RAP1GAP: variants seen among roughly 807,000 people sequenced by gnomAD.
The protein encoded by RAP1GAP is rap1 GTPase-activating protein 1.
A neutral mutation model predicts 87.2 loss-of-function variants in RAP1GAP; 35 were observed. The ratio of observed to expected loss-of-function variants is 0.40; its 90% CI spans 0.31 to 0.53. The LOEUF (loss-of-function observed/expected upper bound fraction) is 0.53, where lower values mean the gene tolerates loss of function less well. Ranked by LOEUF, RAP1GAP falls within the 20% of genes least tolerant of loss-of-function variation. The probability of loss-of-function intolerance (pLI) is 0.48; values close to 1 mark genes in which losing one functional copy is unlikely to be tolerated. For missense variants in RAP1GAP, 734 were observed against 898.9 expected, an observed-to-expected ratio of 0.82 and a Z score of 2.35; for synonymous variants, 375 against 363.9, an observed-to-expected ratio of 1.03 and a Z score of -0.35.
chr1:21,615,151 G>T lies in RAP1GAP; in HGVS notation c.292-1062C>A, dbSNP rs1256283. ...GCAGGGAAGTCCAGAGAGTGGGGAG[G>T]TTCCTTGGACACCCCCAAGCCCAGA... On this transcript the variant is annotated intron_variant, in intron 7 of 24. Transcript: ENST00000374765. The surrounding 1 kb of genome is among the most constrained non-coding windows in gnomAD (Gnocchi z 4.5). 0.89 allele frequency among the ~76,000 whole-genome samples: 135,633 copies of T among 151,840 alleles called. 60,617 individuals are homozygous for T. Among genetic ancestry groups the T allele is most frequent in the East Asian group, 0.97 (4,994 of 5,132 alleles).
intron 1 of RAP1GAP, chr1:21,651,313 G>A: frequency 4.7e-6 from 2 of 427,088 alleles, no homozygotes; most frequent in South Asian, 1.7e-5. Context: ...GCGTCACTGA[G>A]GGGCCCAACA....
intron 18 of RAP1GAP, among the ~76,000 whole-genome samples, chr1:21,604,073 T>C (rs551154852): frequency 5.8e-4 from 86 of 148,580 alleles, no homozygotes; most frequent in African/African-American, 1.8e-3. Context: ...ATGGGAGAGA[T>C]AGGGCCGGGG....
At chr1:21,655,151 AAAG>A (rs1359261896) in intron 1 of RAP1GAP, among the ~76,000 whole-genome samples, 10 of 152,286 alleles carry the variant, frequency 6.6e-5, no homozygotes, top group East Asian at 1.9e-4. Flanking sequence ...AAAAAAAAAA[AAAG>A]AAGAAAAGAA....
At chr1:21,614,118 T>G in intron 7 of RAP1GAP, 29 bp from the exon 8 acceptor site, 1 of 1,473,284 alleles carries the variant, frequency 6.8e-7, no homozygotes, top group Non-Finnish European at 9.4e-7. Flanking sequence ...GCCAGGGGAG[T>G]GGGTGAGGCT....
At position 21,663,037 on chromosome 1, in the gene RAP1GAP, A is replaced by T. The variant is rs6657797; in HGVS notation, c.-149+6217T>A. ...CTGCCCACTTCCCACCCTGACTGCCATTGGGTGGGCCCAGCATTGTAGAGT... is the reference window on the plus strand; with the variant it reads ...CTGCCCACTTCCCACCCTGACTGCCTTTGGGTGGGCCCAGCATTGTAGAGT... On this transcript the variant is annotated intron_variant, in intron 1 of 24. Transcript: ENST00000374765. Among the ~76,000 whole-genome samples, 410 of 152,168 alleles carry T rather than the reference A, an allele frequency of 2.7e-3. 2 individuals carry two copies. Among genetic ancestry groups the T allele is most frequent in the African/African-American group, 9.5e-3 (393 of 41,512 alleles).
chr1:21,644,518 G>A (rs961853999), intron 2 of RAP1GAP, among the ~76,000 whole-genome samples: 5 of 152,196 alleles, frequency 3.3e-5, no homozygotes, highest in African/African-American at 9.6e-5. Flanking sequence ...ACCCATGAAC[G>A]TGGGCAAAGT....
In RAP1GAP at chr1:21,669,115, A is replaced by C; in HGVS notation, c.-149+139T>G. 2.2e-6 allele frequency: 2 copies of C among 910,990 alleles called. No individual in the cohort carries two copies. The highest frequency in any genetic ancestry group is 2.8e-6 in the Non-Finnish European group (2 of 712,536). 56.4% of individuals were successfully genotyped at this position (910,990 alleles called of 1,614,324 possible). On this transcript the variant is annotated intron_variant, in intron 1 of 24. Transcript: ENST00000374765. This position sits in a 1 kb window ranked among gnomAD's most constrained non-coding sequence, Gnocchi z 5.6. Reference sequence around the variant, plus strand: ...CTGCGCCCACCCCTCGCCCCTGGAGACCCGGGTCCCCCACGCGTTCGCCCC... The same window carrying C: ...CTGCGCCCACCCCTCGCCCCTGGAGCCCCGGGTCCCCCACGCGTTCGCCCC...
At chr1:21,607,820 G>A (rs1168758780) in intron 17 of RAP1GAP, among the ~76,000 whole-genome samples, 1 of 151,952 alleles carries the variant, frequency 6.6e-6, no homozygotes, top group Non-Finnish European at 1.5e-5. Context: ...AGTCCACTTC[G>A]AGCCCCGCCC....
intron 18 of RAP1GAP, among the ~76,000 whole-genome samples, chr1:21,605,277 C>T (rs1486930816): frequency 6.6e-6 from 1 of 152,186 alleles, no homozygotes; most frequent in Non-Finnish European, 1.5e-5. Flanking sequence ...CACACAGAAG[C>T]CAGATTCCCG....
In RAP1GAP at chr1:21,614,005, G is replaced by A. The variant is rs1438676614; in HGVS notation, c.376C>T (p.His126Tyr). ...LKYDVIGDQEHLRLLLRTKCR... is the reference protein window; with the variant it reads ...LKYDVIGDQEYLRLLLRTKCR... ...CCTCACCTGAGCAGCAGCCGCAGGT[G>A]CTCTTGGTCCCCGATGACATCGTAC... The change falls in exon 8 of 25, where the codon CAC becomes TAC. Residue 126 changes from histidine to tyrosine, a missense_variant. This residue lies in a region of RAP1GAP where 485 missense variants were observed against 646.2 expected (regional missense o/e 0.75). Coordinates refer to ENST00000374765, the MANE Select transcript of RAP1GAP (RefSeq NM_002885.4). The A allele has an allele frequency of 6.2e-7, 1 of 1,611,230 alleles. No individual in the cohort carries two copies. The highest frequency in any genetic ancestry group is 1.1e-5 in the South Asian group (1 of 90,586).
intron 20 of RAP1GAP, 89 bp from the exon 21 acceptor site, chr1:21,599,706 G>A: frequency 6.6e-7 from 1 of 1,508,428 alleles, no homozygotes; most frequent in Non-Finnish European, 8.8e-7. Flanking sequence ...CAACCCGGGA[G>A]GCCCAGCTGG....
chr1:21,653,546 T>A (rs979927463), intron 1 of RAP1GAP, among the ~76,000 whole-genome samples: 3 of 94,032 alleles, frequency 3.2e-5, no homozygotes, highest in African/African-American at 5.7e-5. Flanking sequence ...GGGAGGAACT[T>A]CCTTCCTTCC....
Position 21,620,057 on chromosome 1 carries a change from C to G in RAP1GAP, c.-18-7G>C, listed in dbSNP as rs756976651. On this transcript the variant is annotated splice_polypyrimidine_tract_variant and splice_region_variant and intron_variant, in intron 3 of 24. Coordinates refer to ENST00000374765, the MANE Select transcript of RAP1GAP (RefSeq NM_002885.4). ...TCTCAAATAGATCTGTGTTCTGCAA[C>G]AGAGACAGGGGAGAGCGAGGTCAGC... 4.3e-6 allele frequency: 7 copies of G among 1,613,840 alleles called. No homozygotes were observed. In the South Asian group the frequency reaches 7.7e-5, roughly 18 times the overall value.
Position 21,669,280 on chromosome 1 carries a change from G to C in RAP1GAP, c.-175C>G, listed in dbSNP as rs1206599664. Reference sequence around the variant, plus strand: ...CAAGGGCCTGGGCCGGGGGCGTCCTGGGCTCGGCACTCTGGTGCCCGCGGC... The same window carrying C: ...CAAGGGCCTGGGCCGGGGGCGTCCTCGGCTCGGCACTCTGGTGCCCGCGGC... On this transcript the variant is annotated 5_prime_UTR_variant, in exon 1 of 25. Transcript: ENST00000374765. The surrounding 1 kb of genome is among the most constrained non-coding windows in gnomAD (Gnocchi z 5.6). 8.3e-7 allele frequency: 1 copy of C among 1,208,206 alleles called. No individual in the cohort carries two copies. Among genetic ancestry groups the C allele is most frequent in the Non-Finnish European group, 1.0e-6 (1 of 957,000 alleles). The allele number at this position is 1,208,206 out of a possible 1,614,324, so 74.8% of individuals were successfully genotyped here. A position where few individuals can be genotyped will look rare whatever the true frequency, so the allele number is the denominator to read the frequency against.
intron 2 of RAP1GAP, among the ~76,000 whole-genome samples, chr1:21,627,845 G>T (rs1252851210): frequency 3.9e-5 from 6 of 152,146 alleles, no homozygotes; most frequent in Admixed American, 3.9e-4. Flanking sequence ...CTTACAAGAG[G>T]GGTCTGCGCT....
Position 21,619,090 on chromosome 1 carries a change from A to G in RAP1GAP, c.19-18T>C. On this transcript the variant is annotated intron_variant, in intron 4 of 24. Transcript: ENST00000374765. ...CTGCTTCCCTGTAAGAGAAGGCAGCACTGTTACACCCTCCCAGGCCTGCCG... is the reference window on the plus strand; with the variant it reads ...CTGCTTCCCTGTAAGAGAAGGCAGCGCTGTTACACCCTCCCAGGCCTGCCG... The G allele has an allele frequency of 6.3e-7, 1 of 1,590,466 alleles. No individual in the cohort carries two copies. Among genetic ancestry groups the G allele is most frequent in the Non-Finnish European group, 8.6e-7 (1 of 1,166,972 alleles).
chr1:21,622,349 G>GC lies in RAP1GAP; in HGVS notation c.-18-2300dup. ...CGCCCGGGTCCTCACCTGCCAGCTG[G>GC]CCCCCGCGGGCAGCGAGCCCCTCCG... On this transcript the variant is annotated intron_variant, in intron 3 of 24. Coordinates refer to ENST00000374765, the MANE Select transcript of RAP1GAP (RefSeq NM_002885.4). The surrounding 1 kb of genome is among the most constrained non-coding windows in gnomAD (Gnocchi z 5.7). 1 of 470,886 alleles carries GC rather than the reference G, an allele frequency of 2.1e-6. No homozygotes were observed. Among genetic ancestry groups the GC allele is most frequent in the Non-Finnish European group, 3.8e-6 (1 of 266,566 alleles). 29.2% of individuals were successfully genotyped at this position (470,886 alleles called of 1,614,324 possible).
intron 7 of RAP1GAP, 80 bp downstream of exon 7, chr1:21,617,226 G>A: frequency 8.2e-6 from 12 of 1,471,206 alleles, no homozygotes; most frequent in Non-Finnish European, 1.0e-5. Flanking sequence ...CATGGGTTCT[G>A]CTCCCTCCCA....
intron 20 of RAP1GAP, 118 bp from the exon 21 acceptor site, chr1:21,599,735 G>A (rs1334022037): frequency 6.5e-6 from 9 of 1,394,068 alleles, no homozygotes; most frequent in African/African-American, 5.7e-5. Flanking sequence ...AAGCACCTTT[G>A]AGGACCCCTT....
Sources: gnomAD v4.1 joint callset for allele counts (sites outside exome capture counted in the v4.1 genomes callset) on GRCh38, gnomAD v4.1.1 for gene constraint, gnomAD v4.1.1 regional missense constraint, Gnocchi (gnomAD v3.1) non-coding constraint, MANE v1.5 for transcripts, NCBI Gene and HGNC (gene_info 2026-07-23, HGNC 2026-07-21) for gene names.